The following SIPA1L3 variants were observed in gnomAD, a reference collection of about 807,000 sequenced individuals.
SIPA1L3 encodes signal induced proliferation associated 1 like 3, also known as signal-induced proliferation-associated 1-like protein 3.
In SIPA1L3, 59 loss-of-function variants were observed where a neutral mutation model predicts 150.1. That is an observed-to-expected ratio of 0.39 (90% CI 0.32 to 0.49). SIPA1L3 has a LOEUF of 0.49. Ranked by LOEUF, SIPA1L3 falls within the 20% of genes least tolerant of loss-of-function variation. The pLI, the probability that SIPA1L3 is intolerant of heterozygous loss-of-function variation, is 0.86. For missense variants in SIPA1L3, 2,211 were observed against 2,489.5 expected (o/e 0.89, Z 2.38); for synonymous variants, 1,070 against 1,077.6 (o/e 0.99, Z 0.14).
At chr19:38,005,690 T>C (rs982737759) in intron 1 of SIPA1L3, among the ~76,000 whole-genome samples, 1 of 152,170 alleles carries the variant, frequency 6.6e-6, no homozygotes, top group East Asian at 1.9e-4. Context: ...CCACCAAATA[T>C]GCTCCTTACT....
chr19:38,061,251 A>G (rs1308821326), intron 2 of SIPA1L3, among the ~76,000 whole-genome samples: 1 of 150,704 alleles, frequency 6.6e-6, no homozygotes, highest in Non-Finnish European at 1.5e-5. Flanking sequence ...CTTTTTAGAG[A>G]TGGGGTCTCG....
intron 9 of SIPA1L3, among the ~76,000 whole-genome samples, chr19:38,120,250 C>T (rs1263174417): frequency 6.6e-6 from 1 of 151,798 alleles, no homozygotes; most frequent in Admixed American, 6.6e-5. Context: ...TCGCTTGAGC[C>T]CAGGAATTTC....
intron 13 of SIPA1L3, among the ~76,000 whole-genome samples, chr19:38,156,151 T>C (rs553783277): frequency 2.6e-4 from 40 of 152,270 alleles, no homozygotes; most frequent in Non-Finnish European, 5.1e-4. Context: ...GGCCTCAGCC[T>C]CTTTGCTGTC....
Position 38,145,707 on chromosome 19 carries a change from T to TTG in SIPA1L3, c.3533+3009_3533+3010dup, listed in dbSNP as rs750948797. On this transcript the variant is annotated intron_variant, in intron 12 of 21. Coordinates refer to ENST00000222345, the MANE Select transcript of SIPA1L3 (RefSeq NM_015073.3). ...ATTCACCAGTTATACATGCACTCAT[T>TTG]TGTGTGTGTGTGTCTGTAGCTCTGT... Among the ~76,000 whole-genome samples, 4 of 151,868 alleles carry TTG rather than the reference T, an allele frequency of 2.6e-5. No individual in the cohort carries two copies. In the East Asian group the frequency reaches 5.8e-4, roughly 22 times the overall value.
rs1341426447 is a variant in SIPA1L3 at position 37,949,372 on chromosome 19, A to AG, written c.-379+42018dup. On this transcript the variant is annotated intron_variant, in intron 1 of 21. Transcript: ENST00000222345. ...GTGTACATGCACAGTTTTCATTCAAAGGGGACTATAAGGCCAGGCACAGTG... is the reference window on the plus strand; with the variant it reads ...GTGTACATGCACAGTTTTCATTCAAAGGGGGACTATAAGGCCAGGCACAGTG... Among the ~76,000 whole-genome samples the AG allele has an allele frequency of 8.5e-5, 13 of 152,186 alleles. 1 individual carries two copies. The highest frequency in any genetic ancestry group is 3.1e-4 in the African/African-American group (13 of 41,448).
At chr19:37,977,252 C>T (rs898421264) in intron 1 of SIPA1L3, among the ~76,000 whole-genome samples, 1 of 152,164 alleles carries the variant, frequency 6.6e-6, no homozygotes, top group African/African-American at 2.4e-5. Context: ...GCAACCTCCA[C>T]CTCCTGGGTT....
chr19:38,129,343 A>T (rs1359865563), intron 9 of SIPA1L3, among the ~76,000 whole-genome samples: 2 of 151,972 alleles, frequency 1.3e-5, no homozygotes, highest in Non-Finnish European at 2.9e-5. Context: ...TGGTGTCACG[A>T]GGCCGGGCAT....
intron 13 of SIPA1L3, among the ~76,000 whole-genome samples, chr19:38,156,860 G>A (rs1183483810): frequency 6.6e-6 from 1 of 152,000 alleles, no homozygotes; most frequent in African/African-American, 2.4e-5. Context: ...GGTCTACAAT[G>A]TATTCAAGAC....
chr19:38,053,358 G>A (rs1459688603), intron 2 of SIPA1L3, among the ~76,000 whole-genome samples: 1 of 152,202 alleles, frequency 6.6e-6, no homozygotes, highest in East Asian at 1.9e-4. Context: ...TAATAATCCT[G>A]TGAGGTAGGT....
chr19:38,152,975 C>G lies in SIPA1L3; in HGVS notation c.3661+8C>G, dbSNP rs1338876512. The G allele has an allele frequency of 2.5e-6, 4 of 1,610,714 alleles. No homozygotes were observed. On this transcript the variant is annotated splice_region_variant and intron_variant, in intron 13 of 21. Transcript: ENST00000222345. ...TGGAACGCCAGAAGCCAGGTAGGGCCCCCACCAGCTGCTGCGCCCACCCGC... is the reference window on the plus strand; with the variant it reads ...TGGAACGCCAGAAGCCAGGTAGGGCGCCCACCAGCTGCTGCGCCCACCCGC...
At chr19:37,961,642 G>T (rs1054315914) in intron 1 of SIPA1L3, among the ~76,000 whole-genome samples, 13 of 152,138 alleles carry the variant, frequency 8.5e-5, no homozygotes, top group African/African-American at 2.9e-4. Flanking sequence ...CTTCTTGGAT[G>T]TGTAAACTAA....
At chr19:38,195,423 C>T (rs1234716495) in intron 18 of SIPA1L3, among the ~76,000 whole-genome samples, 8 of 152,186 alleles carry the variant, frequency 5.3e-5, no homozygotes, top group East Asian at 1.9e-4. Context: ...GCTCTGCCCT[C>T]GGTGCCAGGA....
At chr19:38,110,093 G>A (rs1165751887) in intron 7 of SIPA1L3, 134 bp from the exon 8 acceptor site, 5 of 832,670 alleles carry the variant, frequency 6.0e-6, no homozygotes, top group African/African-American at 5.1e-5. Flanking sequence ...CACCTGACTC[G>A]GGCATTCCTT....
intron 1 of SIPA1L3, among the ~76,000 whole-genome samples, chr19:37,920,898 T>C (rs2046452349): frequency 6.6e-6 from 1 of 152,168 alleles, no homozygotes; most frequent in Non-Finnish European, 1.5e-5. Flanking sequence ...TTCCCTGAGA[T>C]CTGTTTCCCT....
intron 2 of SIPA1L3, among the ~76,000 whole-genome samples, chr19:38,033,270 ATGAC>A (rs1968693558): frequency 6.6e-6 from 1 of 152,252 alleles, no homozygotes; most frequent in East Asian, 1.9e-4. Flanking sequence ...CAGATAATGA[ATGAC>A]TGTGACTATG....
intron 1 of SIPA1L3, among the ~76,000 whole-genome samples, chr19:37,992,485 T>C (rs2145637997): frequency 6.6e-6 from 1 of 152,056 alleles, no homozygotes; most frequent in South Asian, 2.1e-4. Flanking sequence ...ACCCCGTCTC[T>C]ATTAAAAATA....
intron 2 of SIPA1L3, among the ~76,000 whole-genome samples, chr19:38,080,196 T>G (rs1969943899): frequency 6.6e-6 from 1 of 152,226 alleles, no homozygotes; most frequent in African/African-American, 2.4e-5. Context: ...CAAACTCCAC[T>G]GGTGCTCATG....
chr19:37,987,291 TC>T (rs1476722372), intron 1 of SIPA1L3, among the ~76,000 whole-genome samples: 2 of 152,094 alleles, frequency 1.3e-5, no homozygotes, highest in Admixed American at 6.6e-5. Flanking sequence ...ACCTTAGGTG[TC>T]AGAATCAAGG....
chr19:37,967,548 G>A (rs949988466), intron 1 of SIPA1L3, among the ~76,000 whole-genome samples: 4 of 152,002 alleles, frequency 2.6e-5, no homozygotes, highest in African/African-American at 4.8e-5. Context: ...CACCGCACCC[G>A]GCTGGAAATT....
Sources: allele counts gnomAD v4.1 joint callset (sites outside exome capture counted in the v4.1 genomes callset), GRCh38; gene constraint gnomAD v4.1.1; transcripts MANE v1.5; gene names NCBI Gene and HGNC (gene_info 2026-07-23, HGNC 2026-07-21).